LRRTM4: variants seen among roughly 807,000 people sequenced by gnomAD.
LRRTM4 encodes the protein leucine rich repeat transmembrane neuronal 4, also known as leucine-rich repeat transmembrane neuronal protein 4.
A neutral mutation model predicts 47.6 loss-of-function variants in LRRTM4; 25 were observed. The observed-to-expected ratio is 0.53, with a 90% confidence interval of 0.38 to 0.73. The LOEUF (loss-of-function observed/expected upper bound fraction) is 0.73, where lower values mean the gene tolerates loss of function less well. Ranked by LOEUF, LRRTM4 falls within the 30% of genes least tolerant of loss-of-function variation. The pLI, the probability that LRRTM4 is intolerant of heterozygous loss-of-function variation, is 0.00. For synonymous variants in LRRTM4, 311 were observed against 269.5 expected, an observed-to-expected ratio of 1.15 and a Z score of -1.51; for missense variants, 638 against 713.4, an observed-to-expected ratio of 0.89 and a Z score of 1.20.
chr2:77,285,751 A>G (rs931924003), intron 3 of LRRTM4, among the ~76,000 whole-genome samples: 4 of 146,434 alleles, frequency 2.7e-5, no homozygotes, highest in African/African-American at 1.1e-4. Context: ...CAAAAAAACA[A>G]CAAAAAAAAT....
At chr2:77,308,082 GATAT>G (rs1162377736) in intron 3 of LRRTM4, among the ~76,000 whole-genome samples, 1 of 136,348 alleles carries the variant, frequency 7.3e-6, no homozygotes, top group African/African-American at 2.8e-5. Flanking sequence ...AACATATATA[GATAT>G]ATAGATATAT....
intron 3 of LRRTM4, among the ~76,000 whole-genome samples, chr2:77,414,302 C>T (rs1674555833): frequency 6.6e-6 from 1 of 152,104 alleles, no homozygotes; most frequent in African/African-American, 2.4e-5. Flanking sequence ...AAATCTTTGG[C>T]TTCAAGGCAA....
rs1257448536 is a variant in LRRTM4 at position 77,156,541 on chromosome 2, T to C, written c.1551+361777A>G. Among the ~76,000 whole-genome samples, 30 of 151,994 alleles carry C rather than the reference T, an allele frequency of 2.0e-4. 1 individual carries two copies. Among genetic ancestry groups the C allele is most frequent in the Admixed American group, 2.0e-3 (30 of 15,224 alleles). ...AGTTTAAAGAAATAATAATAAATGA[T>C]ATATTCAGAATGATGCCAATAACAT... On this transcript the variant is annotated intron_variant, in intron 3 of 3. Coordinates refer to ENST00000409884, the MANE Select transcript of LRRTM4 (RefSeq NM_001134745.3).
chr2:77,351,150 T>A (rs1671754420), intron 3 of LRRTM4, among the ~76,000 whole-genome samples: 1 of 152,112 alleles, frequency 6.6e-6, no homozygotes, highest in Admixed American at 6.5e-5. Flanking sequence ...TAGCTCCCAC[T>A]TATAAGTGAA....
At chr2:77,399,680 A>C (rs1450033592) in intron 3 of LRRTM4, among the ~76,000 whole-genome samples, 1 of 151,912 alleles carries the variant, frequency 6.6e-6, no homozygotes, top group Non-Finnish European at 1.5e-5. Flanking sequence ...TTCTTTTGCT[A>C]TCTTCATACA....
At chr2:76,780,059 T>A (rs1339649041) in intron 3 of LRRTM4, among the ~76,000 whole-genome samples, 3 of 152,176 alleles carry the variant, frequency 2.0e-5, no homozygotes, top group Non-Finnish European at 4.4e-5. Flanking sequence ...GGGTTGAAAA[T>A]TCTTTTCTTT....
intron 3 of LRRTM4, among the ~76,000 whole-genome samples, chr2:77,291,733 A>C (rs1160734373): frequency 6.6e-6 from 1 of 152,090 alleles, no homozygotes; most frequent in Middle Eastern, 3.2e-3. Context: ...TAAACCTATT[A>C]TTATGTTTTT....
chr2:76,991,498 T>C (rs1677007999), intron 3 of LRRTM4, among the ~76,000 whole-genome samples: 1 of 151,764 alleles, frequency 6.6e-6, no homozygotes, highest in African/African-American at 2.4e-5. Flanking sequence ...AACACTGTTA[T>C]GAACATACCA....
At chr2:76,892,761 A>G (rs910422910) in intron 3 of LRRTM4, among the ~76,000 whole-genome samples, 1 of 151,732 alleles carries the variant, frequency 6.6e-6, no homozygotes, top group African/African-American at 2.4e-5. Context: ...AATATTCATC[A>G]TGACACTCCA....
chr2:76,751,596 A>G (rs1672849794), intron 3 of LRRTM4, among the ~76,000 whole-genome samples: 1 of 152,076 alleles, frequency 6.6e-6, no homozygotes, highest in Non-Finnish European at 1.5e-5. Flanking sequence ...CCTCACCCCA[A>G]GTCTATTGTT....
At chr2:77,475,069 A>G (rs750553553) in intron 3 of LRRTM4, among the ~76,000 whole-genome samples, 12 of 152,082 alleles carry the variant, frequency 7.9e-5, no homozygotes, top group Non-Finnish European at 1.5e-4. Flanking sequence ...AGACAAACAG[A>G]TATCAAGAAA....
At chr2:77,458,529 G>A (rs1351132604) in intron 3 of LRRTM4, among the ~76,000 whole-genome samples, 1 of 152,012 alleles carries the variant, frequency 6.6e-6, no homozygotes, top group Non-Finnish European at 1.5e-5. Context: ...TGACTCCAGT[G>A]TTTGGTATAA....
At chr2:77,083,298 T>C (rs1045672753) in intron 3 of LRRTM4, among the ~76,000 whole-genome samples, 5 of 152,178 alleles carry the variant, frequency 3.3e-5, no homozygotes, top group African/African-American at 1.2e-4. Flanking sequence ...AAGCTTTGGG[T>C]TGAGCTCCAT....
intron 3 of LRRTM4, among the ~76,000 whole-genome samples, chr2:77,467,041 T>C (rs1640129028): frequency 6.6e-6 from 1 of 152,190 alleles, no homozygotes. Context: ...AAACTCAGTA[T>C]TGGTACTGAA....
At chr2:77,014,950 C>T (rs1020595481) in intron 3 of LRRTM4, among the ~76,000 whole-genome samples, 1 of 151,922 alleles carries the variant, frequency 6.6e-6, no homozygotes, top group Non-Finnish European at 1.5e-5. Flanking sequence ...ACTTGGCTAG[C>T]CTACTGTCTT....
chr2:77,237,551 C>A (rs1304598111), intron 3 of LRRTM4, among the ~76,000 whole-genome samples: 1 of 152,062 alleles, frequency 6.6e-6, no homozygotes, highest in African/African-American at 2.4e-5. Flanking sequence ...GTCTCAATTT[C>A]ATTGAGTTCT....
intron 3 of LRRTM4, among the ~76,000 whole-genome samples, chr2:77,516,100 C>T (rs6706081): frequency 0.042 from 6,299 of 151,776 alleles, 450 homozygotes; most frequent in African/African-American, 0.15. Flanking sequence ...TGTTTGAGGG[C>T]ACAGAAAGTT....
chr2:77,175,803 C>T (rs865959105), intron 3 of LRRTM4, among the ~76,000 whole-genome samples: 11 of 151,886 alleles, frequency 7.2e-5, no homozygotes, highest in Non-Finnish European at 1.6e-4. Flanking sequence ...TGGTTCTGAT[C>T]ACCTCAACAA....
At chr2:77,058,734 TCAAA>T (rs955382239) in intron 3 of LRRTM4, among the ~76,000 whole-genome samples, 10 of 152,228 alleles carry the variant, frequency 6.6e-5, no homozygotes, top group South Asian at 2.1e-4. Flanking sequence ...GTATAAGATG[TCAAA>T]CAAAGCTAGA....
Sources: allele counts gnomAD v4.1 joint callset (sites outside exome capture counted in the v4.1 genomes callset), GRCh38; gene constraint gnomAD v4.1.1; transcripts MANE v1.5; gene names NCBI Gene and HGNC (gene_info 2026-07-23, HGNC 2026-07-21).